The following TENM3 variants were observed in gnomAD, a reference collection of about 807,000 sequenced individuals.
TENM3 encodes the protein teneurin transmembrane protein 3.
A neutral mutation model predicts 255.1 loss-of-function variants in TENM3; 63 were observed. The ratio of observed to expected loss-of-function variants is 0.25; its 90% CI spans 0.20 to 0.30. The LOEUF (loss-of-function observed/expected upper bound fraction) is 0.30. Among genes scored for constraint, TENM3 ranks in the 10% least tolerant of loss-of-function variants. The pLI is 1.00. For missense variants in TENM3, 2,929 were observed against 3,461.1 expected (o/e 0.85, Z 3.86); for synonymous variants, 1,306 against 1,322.3 (o/e 0.99, Z 0.27).
intron 3 of TENM3, among the ~76,000 whole-genome samples, chr4:182,354,765 A>T (rs1333653474): frequency 4.6e-5 from 7 of 152,238 alleles, no homozygotes. Context: ...ATGCATGTTA[A>T]AATGGATAGA....
intron 10 of TENM3, 57 bp downstream of exon 10, chr4:182,680,794 T>A: frequency 1.5e-6 from 2 of 1,307,984 alleles, no homozygotes; most frequent in Non-Finnish European, 2.0e-6. Flanking sequence ...AAACAGATTG[T>A]ATCTGTAATC....
the TENM3 span, among the ~76,000 whole-genome samples, chr4:181,649,839 G>A: frequency 6.6e-6 from 1 of 152,304 alleles, no homozygotes; most frequent in East Asian, 1.9e-4. Context: ...GTGAAGTAGA[G>A]CTGTCGTGGT....
intron 6 of TENM3, among the ~76,000 whole-genome samples, chr4:182,671,607 C>T (rs1204499549): frequency 1.3e-5 from 2 of 152,158 alleles, no homozygotes; most frequent in Non-Finnish European, 2.9e-5. Context: ...TACTTGATAG[C>T]AGAAGCTATG....
chr4:182,579,398 GAATAAGCT>G (rs2152352303), intron 3 of TENM3, among the ~76,000 whole-genome samples: 1 of 152,218 alleles, frequency 6.6e-6, no homozygotes, highest in South Asian at 2.1e-4. Flanking sequence ...ATAACATTTT[GAATAAGCT>G]AACAAGAAAA....
the TENM3 span, among the ~76,000 whole-genome samples, chr4:181,762,971 A>C: frequency 6.6e-6 from 1 of 152,188 alleles, no homozygotes; most frequent in East Asian, 1.9e-4. Context: ...TTCTACTTTC[A>C]AGGGAAAAAT....
intron 1 of TENM3, among the ~76,000 whole-genome samples, chr4:182,189,273 G>A (rs542330077): frequency 3.3e-5 from 5 of 151,790 alleles, no homozygotes; most frequent in African/African-American, 1.2e-4. Flanking sequence ...GATTTTTCTG[G>A]ATTAAGTGGG....
At chr4:181,548,494 A>G in the TENM3 span, among the ~76,000 whole-genome samples, 4 of 152,300 alleles carry the variant, frequency 2.6e-5, no homozygotes, top group African/African-American at 7.2e-5. Flanking sequence ...AAAAAATGAT[A>G]TCCCAACTTT....
intron 3 of TENM3, among the ~76,000 whole-genome samples, chr4:182,554,964 G>A (rs1052543321): frequency 6.6e-6 from 1 of 151,846 alleles, no homozygotes; most frequent in Non-Finnish European, 1.5e-5. Context: ...GAGGAGGTAG[G>A]GAGGCGGAAC....
At chr4:181,718,981 T>C in the TENM3 span, among the ~76,000 whole-genome samples, 1 of 149,590 alleles carries the variant, frequency 6.7e-6, no homozygotes, top group Non-Finnish European at 1.5e-5. Context: ...CCGAGGCGGG[T>C]GGATCATGAG....
rs373860565 is a variant in TENM3, at chr4:182,371,262, G to C, written c.511+24333G>C. Among the ~76,000 whole-genome samples the C allele has an allele frequency of 2.0e-3, 151 of 75,262 alleles. No homozygotes were observed. In the East Asian group the frequency reaches 0.057, roughly 29 times the overall value. The allele number at this position is 75,262 out of a possible 152,430, so 49.4% of individuals were successfully genotyped here. On this transcript the variant is annotated intron_variant, in intron 3 of 27. Transcript: ENST00000511685. Reference sequence around the variant, plus strand: ...ACACACACACACACACACACACACAGACTTTCTTATGTTTTAATGCACTGT... The same window carrying C: ...ACACACACACACACACACACACACACACTTTCTTATGTTTTAATGCACTGT...
the TENM3 span, among the ~76,000 whole-genome samples, chr4:181,962,352 C>T: frequency 6.6e-6 from 1 of 152,274 alleles, no homozygotes; most frequent in African/African-American, 2.4e-5. Flanking sequence ...GTAAGCAGAT[C>T]GGATCTCTGT....
At chr4:181,920,412 T>G in the TENM3 span, among the ~76,000 whole-genome samples, 12 of 152,120 alleles carry the variant, frequency 7.9e-5, no homozygotes, top group African/African-American at 2.7e-4. Flanking sequence ...CCTGAGTTTT[T>G]AATGATTGCC....
chr4:181,908,422 C>T, the TENM3 span, among the ~76,000 whole-genome samples: 1 of 152,172 alleles, frequency 6.6e-6, no homozygotes, highest in East Asian at 1.9e-4. Context: ...ACACTGTGCT[C>T]ATGCAATCAT....
chr4:182,796,214 T>C (rs1238094520), intron 26 of TENM3, among the ~76,000 whole-genome samples: 2 of 152,256 alleles, frequency 1.3e-5, no homozygotes, highest in Admixed American at 1.3e-4. Context: ...CGCATATCCT[T>C]GGGCAATCGC....
At chr4:182,102,900 T>G in the TENM3 span, among the ~76,000 whole-genome samples, 1 of 152,208 alleles carries the variant, frequency 6.6e-6, no homozygotes, top group Admixed American at 6.5e-5. Context: ...ATTCAGTAAG[T>G]GCTCAATAAA....
chr4:182,341,242 A>G (rs187072347), intron 2 of TENM3, among the ~76,000 whole-genome samples: 1 of 152,258 alleles, frequency 6.6e-6, no homozygotes. Context: ...TTTCTTTATT[A>G]TGTTTTTAAA....
chr4:182,453,814 C>T (rs1322220340), intron 3 of TENM3, among the ~76,000 whole-genome samples: 1 of 152,074 alleles, frequency 6.6e-6, no homozygotes, highest in African/African-American at 2.4e-5. Context: ...ACAAGTTTAA[C>T]ATTGTTAACC....
At chr4:182,414,479 G>C (rs1770225050) in intron 3 of TENM3, among the ~76,000 whole-genome samples, 1 of 152,122 alleles carries the variant, frequency 6.6e-6, no homozygotes, top group African/African-American at 2.4e-5. Context: ...ATGCTTCACA[G>C]AAAAATTAGT....
chr4:182,785,174 T>G (rs28866505), intron 24 of TENM3, among the ~76,000 whole-genome samples: 1,827 of 151,894 alleles, frequency 0.012, 90 homozygotes, highest in Admixed American at 0.087. Flanking sequence ...CTTCACAGGC[T>G]CAAGTGATCC....
Sources: allele counts gnomAD v4.1 joint callset (sites outside exome capture counted in the v4.1 genomes callset), GRCh38; gene constraint gnomAD v4.1.1; transcripts MANE v1.5; gene names NCBI Gene and HGNC (gene_info 2026-07-23, HGNC 2026-07-21).